The following TMEM267 variants were observed in gnomAD, a reference collection of about 807,000 sequenced individuals.
TMEM267 encodes transmembrane protein 267.
In TMEM267, 20 loss-of-function variants were observed where a neutral mutation model predicts 19.3. The observed-to-expected ratio is 1.04, with a 90% CI of 0.73 to 1.51. TMEM267 has a LOEUF of 1.51. TMEM267 is among the 40% of genes most tolerant of loss of function. TMEM267 has a pLI of 0.00. For missense variants in TMEM267, 242 were observed against 261.9 expected, an observed-to-expected ratio of 0.92 and a Z score of 0.52; for synonymous variants, 88 against 90.3, an observed-to-expected ratio of 0.97 and a Z score of 0.15.
intron 1 of TMEM267, among the ~76,000 whole-genome samples, chr5:43,459,442 C>T (rs1349670242): frequency 6.6e-6 from 1 of 151,960 alleles, no homozygotes; most frequent in Non-Finnish European, 1.5e-5. Flanking sequence ...CAGATTGGGG[C>T]AAAAGAAAAC....
At chr5:43,459,823 G>A (rs1193902489) in intron 1 of TMEM267, among the ~76,000 whole-genome samples, 1 of 152,112 alleles carries the variant, frequency 6.6e-6, no homozygotes, top group Non-Finnish European at 1.5e-5. Context: ...ACCAGGGACT[G>A]GTTTTGTGGA....
intron 1 of TMEM267, among the ~76,000 whole-genome samples, chr5:43,470,898 C>T (rs1176777151): frequency 6.6e-6 from 1 of 151,682 alleles, no homozygotes; most frequent in Non-Finnish European, 1.5e-5. Flanking sequence ...CATGAGCAAA[C>T]CAAGCCCAAA....
At chr5:43,461,028 C>A (rs1156593762) in intron 1 of TMEM267, among the ~76,000 whole-genome samples, 4 of 152,194 alleles carry the variant, frequency 2.6e-5, no homozygotes, top group Non-Finnish European at 4.4e-5. Context: ...TCACCTAACC[C>A]CATGCTGCAC....
chr5:43,475,122 G>T (rs116270012), intron 1 of TMEM267, among the ~76,000 whole-genome samples: 1 of 151,604 alleles, frequency 6.6e-6, no homozygotes, highest in Admixed American at 6.6e-5. Flanking sequence ...GGCTTGGAAC[G>T]AAATGCCCAT....
rs747729445 is a variant in TMEM267 at position 43,446,287 on chromosome 5, C to T, written c.583G>A (p.Val195Ile). The T allele has an allele frequency of 9.9e-6, 16 of 1,613,506 alleles. No individual in the cohort carries two copies. Among genetic ancestry groups the T allele is most frequent in the African/African-American group, 2.7e-5 (2 of 74,870 alleles). ...TSSLPHICSF[V>I]MYLTGTRQMM... ...TGTCTGGTTCCTGTTAAATACATAA[C>T]GAATGAACAGATGTGAGGTAAAGAT... The change falls in exon 3 of 3, where the codon GTT (valine) becomes ATT (isoleucine). Residue 195 changes from valine to isoleucine, a missense_variant. Transcript: ENST00000397080.
chr5:43,446,140 A>AT lies in TMEM267; in HGVS notation c.*81dup. ...CTAAATAATATAAACACCTAACTGT[A>AT]TTTTTAAAAATTAACTTTAATGTTG... On this transcript the variant is annotated 3_prime_UTR_variant, in exon 3 of 3. Coordinates refer to ENST00000397080, the MANE Select transcript of TMEM267 (RefSeq NM_022483.5). 1 of 824,580 alleles carries AT rather than the reference A, an allele frequency of 1.2e-6. No homozygotes were observed. Among genetic ancestry groups the AT allele is most frequent in the South Asian group, 1.8e-5 (1 of 55,304 alleles). The allele number at this position is 824,580 out of a possible 1,614,324, so 51.1% of individuals were successfully genotyped here.
intron 1 of TMEM267, among the ~76,000 whole-genome samples, chr5:43,475,568 T>C (rs758517025): frequency 6.6e-6 from 1 of 152,148 alleles, no homozygotes; most frequent in Non-Finnish European, 1.5e-5. Flanking sequence ...AACATCGTTT[T>C]GGCGGTTTTA....
intron 1 of TMEM267, among the ~76,000 whole-genome samples, chr5:43,458,201 T>G (rs1370422589): frequency 6.6e-6 from 1 of 152,084 alleles, no homozygotes; most frequent in African/African-American, 2.4e-5. Context: ...CCTGGGCTCA[T>G]GAGATCCCCC....
At chr5:43,455,563 T>G (rs1234500788) in intron 1 of TMEM267, among the ~76,000 whole-genome samples, 3 of 152,202 alleles carry the variant, frequency 2.0e-5, no homozygotes, top group African/African-American at 7.2e-5. Context: ...GTATTTATTT[T>G]TTGAGATGGA....
intron 1 of TMEM267, among the ~76,000 whole-genome samples, chr5:43,460,214 T>G (rs530693702): frequency 2.2e-4 from 33 of 152,274 alleles, no homozygotes; most frequent in Admixed American, 7.2e-4. Flanking sequence ...CAGATGAAGC[T>G]TCACTTGCTA....
intron 1 of TMEM267, among the ~76,000 whole-genome samples, chr5:43,455,876 G>C (rs950845766): frequency 2.0e-5 from 3 of 151,968 alleles, no homozygotes; most frequent in Admixed American, 2.0e-4. Flanking sequence ...TTAAGACAGA[G>C]TTTTACTGGA....
At chr5:43,464,021 G>A (rs1200693030) in intron 1 of TMEM267, among the ~76,000 whole-genome samples, 1 of 152,184 alleles carries the variant, frequency 6.6e-6, no homozygotes, top group African/African-American at 2.4e-5. Flanking sequence ...AATTGTTCCT[G>A]TTTGCAGATG....
chr5:43,476,014 T>C (rs541991001), intron 1 of TMEM267: 7 of 152,330 alleles, frequency 4.6e-5, no homozygotes, highest in Admixed American at 1.3e-4. Flanking sequence ...GGAGACATTA[T>C]ATGGAACTCA....
At chr5:43,471,214 A>G (rs1208601325) in intron 1 of TMEM267, among the ~76,000 whole-genome samples, 1 of 152,170 alleles carries the variant, frequency 6.6e-6, no homozygotes, top group African/African-American at 2.4e-5. Flanking sequence ...ATAAAATTAA[A>G]TACCTAGGAA....
intron 2 of TMEM267, among the ~76,000 whole-genome samples, chr5:43,452,802 G>A (rs150395253): frequency 1.5e-3 from 223 of 152,242 alleles, no homozygotes; most frequent in African/African-American, 5.2e-3. Flanking sequence ...GGTACTTGAC[G>A]CATAATAGGA....
chr5:43,474,424 C>T (rs548645343), intron 1 of TMEM267, among the ~76,000 whole-genome samples: 2 of 152,232 alleles, frequency 1.3e-5, no homozygotes, highest in African/African-American at 4.8e-5. Flanking sequence ...AAGCAAACAA[C>T]CCCATCAAAA....
In TMEM267 at chr5:43,446,532, G is replaced by A. The variant is rs374248815; in HGVS notation, c.338C>T (p.Pro113Leu). The A allele has an allele frequency of 2.5e-6, 4 of 1,611,494 alleles. No homozygotes were observed. In the African/African-American group the frequency reaches 5.3e-5, roughly 22 times the overall value. Residue 113 changes from proline (P) to leucine (L), a missense_variant, in exon 3 of 3, where the codon CCT becomes CTT. Coordinates refer to ENST00000397080, the MANE Select transcript of TMEM267 (RefSeq NM_022483.5). ...LKAALTLPRR[P>L]FLHCSTVIPV... ...AATCACAGTAGAACAGTGAAGGAAA[G>A]GTCTTCGCGGGAGAGTCAAAGCAGC...
At chr5:43,451,341 G>C (rs1742575801) in intron 2 of TMEM267, among the ~76,000 whole-genome samples, 1 of 152,102 alleles carries the variant, frequency 6.6e-6, no homozygotes, top group East Asian at 1.9e-4. Context: ...ATGGGAGAAA[G>C]TAGGGTTCAT....
At chr5:43,470,519 T>C (rs1213298335) in intron 1 of TMEM267, among the ~76,000 whole-genome samples, 3 of 152,202 alleles carry the variant, frequency 2.0e-5, no homozygotes, top group African/African-American at 7.2e-5. Context: ...CCCTGATCAC[T>C]TTGGGCACAT....
Sources: gnomAD v4.1 joint callset for allele counts (sites outside exome capture counted in the v4.1 genomes callset) on GRCh38, gnomAD v4.1.1 for gene constraint, MANE v1.5 for transcripts, NCBI Gene and HGNC (gene_info 2026-07-23, HGNC 2026-07-21) for gene names.